The following ZNF799 variants were observed in gnomAD, a reference collection of about 807,000 sequenced individuals.
ZNF799 encodes zinc finger protein 14.
A neutral mutation model predicts 41.0 loss-of-function variants in ZNF799; 28 were observed. The observed-to-expected ratio is 0.68, with a 90% CI of 0.51 to 0.94. The LOEUF (loss-of-function observed/expected upper bound fraction) is 0.94, where lower values mean the gene tolerates loss of function less well. Among genes scored for constraint, ZNF799 ranks in the 40% least tolerant of loss-of-function variants. The pLI, the probability that ZNF799 is intolerant of heterozygous loss-of-function variation, is 0.00. For synonymous variants in ZNF799, 213 were observed against 252.9 expected, an observed-to-expected ratio of 0.84 and a Z score of 1.50; for missense variants, 716 against 764.3, an observed-to-expected ratio of 0.94 and a Z score of 0.74.
At chr19:12,405,966 C>T (rs1970026497), upstream of ZNF799, among the ~76,000 whole-genome samples, 1 of 151,300 alleles carries the variant, frequency 6.6e-6, no homozygotes, top group African/African-American at 2.4e-5. Flanking sequence ...CAAGGTCAAG[C>T]GATTGAGATC....
At chr19:12,397,486 G>A (rs1186258334) in intron 1 of ZNF799, among the ~76,000 whole-genome samples, 1 of 149,848 alleles carries the variant, frequency 6.7e-6, no homozygotes. Flanking sequence ...GATCTCCTGA[G>A]CCCAGGAGTT....
At chr19:12,395,579 G>A (rs1222527333) in intron 1 of ZNF799, among the ~76,000 whole-genome samples, 5 of 152,166 alleles carry the variant, frequency 3.3e-5, no homozygotes, top group African/African-American at 1.2e-4. Flanking sequence ...ACATACAGTA[G>A]ACCAACTAAG....
Position 12,391,923 on chromosome 19 carries a change from G to A in ZNF799, c.475C>T (p.His159Tyr), listed in dbSNP as rs1363031524. ...TTCTTTCCAGTGTGAAGCCTCTCATGTGTTTGAAGTGAGTTGTGGTAACTG... is the reference window on the plus strand; with the variant it reads ...TTCTTTCCAGTGTGAAGCCTCTCATATGTTTGAAGTGAGTTGTGGTAACTG... ...AFSYHNSLQT[H>Y]ERLHTGKKPY... Residue 159 changes from histidine (H) to tyrosine (Y), a missense_variant, in exon 4 of 4, where the codon CAT becomes TAT. By Grantham distance (83) the His-to-Tyr change is moderately conservative (BLOSUM62 2). Coordinates refer to ENST00000430385, the MANE Select transcript of ZNF799 (RefSeq NM_001080821.3). 2 of 1,614,182 alleles carry A rather than the reference G, an allele frequency of 1.2e-6. No homozygotes were observed. Among genetic ancestry groups the A allele is most frequent in the South Asian group, 1.1e-5 (1 of 91,084 alleles).
the ZNF799 span, among the ~76,000 whole-genome samples, chr19:12,415,055 T>C: frequency 3.3e-5 from 5 of 152,096 alleles, no homozygotes; most frequent in African/African-American, 1.2e-4. Context: ...CATAAAAGCA[T>C]TGTGAGGCCA....
rs753812155 is a variant in ZNF799, at chr19:12,391,447, C to A, written c.951G>T (p.Ala317=). The A allele has an allele frequency of 3.7e-6, 6 of 1,613,852 alleles. No homozygotes were observed. Among genetic ancestry groups the A allele is most frequent in the Non-Finnish European group, 5.1e-6 (6 of 1,179,938 alleles). Residue 317 remains alanine, a synonymous_variant, in exon 4 of 4, where the codon GCG becomes GCT. Transcript: ENST00000430385. ...TTTGAAAGCTTCCCAGATGATGAAA[C>A]GCTTTCCCACATTGCTGACATGCAT... ...KPYACQQCGK[A]FHHLGSFQRH... is the part of the protein sequence containing the mutation.
At chr19:12,401,592 G>T (rs1329905992), upstream of ZNF799, among the ~76,000 whole-genome samples, 1 of 127,758 alleles carries the variant, frequency 7.8e-6, no homozygotes, top group Non-Finnish European at 1.6e-5. Flanking sequence ...GAGAGAGAGA[G>T]AGAGAGAGGG....
At chr19:12,413,626 C>T in the ZNF799 span, among the ~76,000 whole-genome samples, 30 of 152,218 alleles carry the variant, frequency 2.0e-4, no homozygotes, top group Non-Finnish European at 4.0e-4. Flanking sequence ...CACGGTCAGA[C>T]AGGTAATGTA....
the ZNF799 span, among the ~76,000 whole-genome samples, chr19:12,413,178 T>C: frequency 5.8e-3 from 881 of 152,086 alleles, 5 homozygotes; most frequent in Middle Eastern, 0.02. Context: ...CGTTTCTAAA[T>C]CATGAAGTTT....
chr19:12,405,235 A>ATC (rs574118204), upstream of ZNF799, among the ~76,000 whole-genome samples: 810 of 152,010 alleles, frequency 5.3e-3, 12 homozygotes, highest in Non-Finnish European at 4.6e-3. Flanking sequence ...ATATATATAT[A>ATC]TCCTATTAGT....
chr19:12,402,673 C>G (rs1970006483), upstream of ZNF799, among the ~76,000 whole-genome samples: 1 of 151,890 alleles, frequency 6.6e-6, no homozygotes, highest in African/African-American at 2.4e-5. Flanking sequence ...AAAGCTTTTT[C>G]AGTGCACATT....
At position 12,400,905 on chromosome 19, in the gene ZNF799, T is replaced by C. The variant is rs1969971089; in HGVS notation, c.3+163A>G. On this transcript the variant is annotated intron_variant, in intron 1 of 3. Transcript: ENST00000430385. ...CAGGACGCCCGGGGTCCCGGCTGCA[T>C]GCCCAGCCCCACCCTGCGGCCGAGG... is the stretch of plus-strand genomic sequence containing the variant. 6 of 1,307,268 alleles carry C rather than the reference T, an allele frequency of 4.6e-6. No individual in the cohort carries two copies. In the South Asian group the frequency reaches 6.2e-5, roughly 13 times the overall value. The allele number at this position is 1,307,268 out of a possible 1,614,324, so 81.0% of individuals were successfully genotyped here.
At chr19:12,411,759 C>A in the ZNF799 span, among the ~76,000 whole-genome samples, 15 of 151,794 alleles carry the variant, frequency 9.9e-5, no homozygotes, top group Admixed American at 3.3e-4. Flanking sequence ...ACTACAGATG[C>A]GCACCACCAC....
Position 12,401,184 on chromosome 19 carries a change from G to C in ZNF799, c.-114C>G. 1 of 1,586,436 alleles carries C rather than the reference G, an allele frequency of 6.3e-7. No homozygotes were observed. Among genetic ancestry groups the C allele is most frequent in the Non-Finnish European group, 8.6e-7 (1 of 1,167,948 alleles). On this transcript the variant is annotated 5_prime_UTR_variant, in exon 1 of 4. Transcript: ENST00000430385. ...CAGGTCGTCTCTTAGCTACAGAGCC[G>C]AGCACCGAGCGCCCAGCGCAGGTGG...
rs377090870 is a variant in ZNF799, at chr19:12,391,405, G to A, written c.993C>T (p.His331=). Residue 331 remains histidine, a synonymous_variant, in exon 4 of 4, where the codon CAC becomes CAT. Transcript: ENST00000430385. ...LGSFQRHMVM[H]TRDGPHKCKI... ...TACACTTATGAGGTCCATCTCTCGT[G>A]TGCATTACCATGTGTCTTTGAAAGC... The A allele has an allele frequency of 3.1e-6, 5 of 1,614,118 alleles. No individual in the cohort carries two copies. The highest frequency in any genetic ancestry group is 1.1e-5 in the South Asian group (1 of 91,082).
Position 12,401,096 on chromosome 19 carries a change from T to G in ZNF799, c.-26A>C. 6.2e-7 allele frequency: 1 copy of G among 1,613,686 alleles called. No homozygotes were observed. The highest frequency in any genetic ancestry group is 8.5e-7 in the Non-Finnish European group (1 of 1,179,800). ...TTCCCGACTTCCGCGGTGTCCCAGG[T>G]CCTCCGGACGGCTCCCGCTGCCAAT... On this transcript the variant is annotated 5_prime_UTR_variant, in exon 1 of 4. Coordinates refer to ENST00000430385, the MANE Select transcript of ZNF799 (RefSeq NM_001080821.3).
At chr19:12,407,394 T>C in the ZNF799 span, among the ~76,000 whole-genome samples, 5 of 150,260 alleles carry the variant, frequency 3.3e-5, no homozygotes, top group Admixed American at 3.3e-4. Context: ...GCCCAGGAGA[T>C]GGAGGCTGCA....
chr19:12,399,445 T>C (rs1288997925), intron 1 of ZNF799, among the ~76,000 whole-genome samples: 1 of 151,932 alleles, frequency 6.6e-6, no homozygotes, highest in African/African-American at 2.4e-5. Context: ...GAATGGAAAC[T>C]AGGGTTGGGA....
chr19:12,399,656 T>C (rs982344824), intron 1 of ZNF799, among the ~76,000 whole-genome samples: 14 of 146,694 alleles, frequency 9.5e-5, no homozygotes, highest in African/African-American at 3.5e-4. Context: ...TTTTTTTTTT[T>C]TTTTTGAGAC....
chr19:12,394,741 G>C, intron 1 of ZNF799: 1 of 985,020 alleles, frequency 1.0e-6, no homozygotes. Flanking sequence ...TACTTACTAA[G>C]AAACTAAAAC....
Sources: allele counts gnomAD v4.1 joint callset (sites outside exome capture counted in the v4.1 genomes callset), GRCh38; gene constraint gnomAD v4.1.1; transcripts MANE v1.5; gene names NCBI Gene and HGNC (gene_info 2026-07-23, HGNC 2026-07-21).